The following KHNYN variants were observed in gnomAD, a reference collection of about 807,000 sequenced individuals.
KHNYN encodes KH and NYN domain containing, also known as protein KHNYN.
A neutral mutation model predicts 62.7 loss-of-function variants in KHNYN; 42 were observed. The observed-to-expected ratio is 0.67, with a 90% confidence interval of 0.52 to 0.87. The LOEUF (loss-of-function observed/expected upper bound fraction) is 0.87. Ranked by LOEUF, KHNYN falls within the 40% of genes least tolerant of loss-of-function variation. The pLI is 0.00. For missense variants in KHNYN, 829 were observed against 874.1 expected (o/e 0.95, Z 0.65); for synonymous variants, 347 against 345.6 (o/e 1.00, Z -0.04).
At chr14:24,429,172 G>A (rs993917326), upstream of KHNYN, 7 of 1,065,820 alleles carry the variant, frequency 6.6e-6, no homozygotes, top group African/African-American at 1.1e-4. Flanking sequence ...TAGGCTCGCT[G>A]AACCCCCTCT....
chr14:24,435,967 G>A (rs1179562818), intron 5 of KHNYN, 105 bp from the exon 6 acceptor site: 13 of 827,708 alleles, frequency 1.6e-5, no homozygotes, highest in Non-Finnish European at 2.5e-5. Context: ...ATATTGCATA[G>A]TGGTGAAGTC....
chr14:24,437,269 T>C lies in KHNYN; in HGVS notation c.2021T>C (p.Leu674Pro). Residue 674 changes from leucine (L) to proline (P), a missense_variant, in exon 8 of 8, where the codon CTC becomes CCC. By Grantham distance (98) the Leu-to-Pro change is moderately conservative (BLOSUM62 -3). This residue lies in a region of KHNYN where 270 missense variants were observed against 347.1 expected (regional missense o/e 0.78). Transcript: ENST00000553935. The surrounding 1 kb of genome is among the most constrained non-coding windows in gnomAD (Gnocchi z 5.5). Reference sequence around the variant, plus strand: ...ATCAACCAACTGTCTGAGGCCCTGCTCAGTCTTAACTTTTGAGCCTCACCT... The same window carrying C: ...ATCAACCAACTGTCTGAGGCCCTGCCCAGTCTTAACTTTTGAGCCTCACCT... Reference protein sequence around the residue: ...RDINQLSEALLSLNF With the variant: ...RDINQLSEALPSLNF 1 of 1,613,712 alleles carries C rather than the reference T, an allele frequency of 6.2e-7. No homozygotes were observed. Among genetic ancestry groups the C allele is most frequent in the Non-Finnish European group, 8.5e-7 (1 of 1,179,718 alleles).
Position 24,440,901 on chromosome 14 carries a change from C to T in KHNYN, c.*3616C>T, listed in dbSNP as rs1002782740. On this transcript the variant is annotated 3_prime_UTR_variant, in exon 8 of 8. Coordinates refer to ENST00000553935, the MANE Select transcript of KHNYN (RefSeq NM_015299.3). The stretch of plus-strand genomic sequence containing the variant: ...CTCCTGGGCTGTCTTCATCATACTC[C>T]GCAGTCAGACTGGGCTGGTAGTAAG... The T allele has an allele frequency of 4.3e-6, 7 of 1,613,916 alleles. No homozygotes were observed. Among genetic ancestry groups the T allele is most frequent in the Admixed American group, 1.7e-5 (1 of 60,008 alleles).
intron 1 of KHNYN, chr14:24,430,409 T>C (rs2043084666): frequency 8.6e-7 from 1 of 1,168,130 alleles, no homozygotes; most frequent in South Asian, 2.3e-5. Context: ...CCCAGGAGAC[T>C]CCTTCTGGCC....
At position 24,439,939 on chromosome 14, in the gene KHNYN, G is replaced by A. The variant is rs571473116; in HGVS notation, c.*2654G>A. 3.1e-5 allele frequency: 20 copies of A among 654,962 alleles called. No individual in the cohort carries two copies. The African/African-American group carries it at 3.4e-4, about 11-fold the overall frequency. 40.6% of individuals were successfully genotyped at this position (654,962 alleles called of 1,614,324 possible). A position where few individuals can be genotyped will look rare whatever the true frequency, so the allele number is the denominator to read the frequency against. On this transcript the variant is annotated 3_prime_UTR_variant, in exon 8 of 8. Transcript: ENST00000553935. ...GATTACGGCCTTGAGACAATAAGGT[G>A]GAGCAACAGAACAATGGGAAAGAGG...
upstream of KHNYN, among the ~76,000 whole-genome samples, chr14:24,425,756 G>A (rs1330628606): frequency 1.3e-5 from 2 of 152,166 alleles, no homozygotes; most frequent in Non-Finnish European, 2.9e-5. Context: ...GGAGATGAAC[G>A]ATCAAGCCTG....
chr14:24,430,148 A>AG lies in KHNYN; in HGVS notation c.-18+30dup, dbSNP rs1280456759. On this transcript the variant is annotated intron_variant, in intron 1 of 7. Transcript: ENST00000553935. Reference sequence around the variant, plus strand: ...GGCGCGCCCCTCCACCGCGCCCGGGAGCGGGGAGCGGGGGCCGCGGTGCGG... The same window carrying AG: ...GGCGCGCCCCTCCACCGCGCCCGGGAGGCGGGGAGCGGGGGCCGCGGTGCGG... 6.1e-6 allele frequency: 6 copies of AG among 982,540 alleles called. No homozygotes were observed. In the African/African-American group the frequency reaches 1.1e-4, roughly 17 times the overall value. The allele number at this position is 982,540 out of a possible 1,614,324, so 60.9% of individuals were successfully genotyped here. A position where few individuals can be genotyped will look rare whatever the true frequency, so the allele number is the denominator to read the frequency against.
At position 24,437,327 on chromosome 14, in the gene KHNYN, C is replaced by A; in HGVS notation, c.*42C>A. 6.3e-7 allele frequency: 1 copy of A among 1,581,592 alleles called. No individual in the cohort carries two copies. Among genetic ancestry groups the A allele is most frequent in the Non-Finnish European group, 8.6e-7 (1 of 1,161,320 alleles). On this transcript the variant is annotated 3_prime_UTR_variant, in exon 8 of 8. Transcript: ENST00000553935. This position sits in a 1 kb window ranked among gnomAD's most constrained non-coding sequence, Gnocchi z 5.5. ...TGGCTGCCGCCCTGTCAGCTCCAGC[C>A]GCCTCCAGCTCAGCCCTTTCTGTGA... is the stretch of plus-strand genomic sequence containing the variant.
At chr14:24,425,454 T>C (rs1353230805), upstream of KHNYN, among the ~76,000 whole-genome samples, 1 of 152,162 alleles carries the variant, frequency 6.6e-6, no homozygotes, top group African/African-American at 2.4e-5. Flanking sequence ...TCCTCCTTCC[T>C]GTTAGGCTGA....
chr14:24,429,185 A>C (rs2043059952), upstream of KHNYN: 1 of 922,538 alleles, frequency 1.1e-6, no homozygotes, highest in Non-Finnish European at 1.6e-6. Flanking sequence ...CCCCCTCTCC[A>C]TACCTGTGTC....
chr14:24,434,466 A>G (rs2043174798), intron 5 of KHNYN: 1 of 691,698 alleles, frequency 1.4e-6, no homozygotes, highest in Non-Finnish European at 1.8e-6. Context: ...GTGCAGTGGC[A>G]CGATCTCGGC....
chr14:24,431,946 A>G lies in KHNYN; in HGVS notation c.685A>G (p.Ser229Gly). The change falls in exon 3 of 8, where the codon AGT (serine) becomes GGT (glycine). Residue 229 changes from serine to glycine, a missense_variant. Ser to Gly is a moderately conservative substitution (Grantham distance 56). Transcript: ENST00000553935. ...GTGCCAAGGAGTGAGAGCTCCCCCT[A>G]GTGACGGCAGGGAGTCCCTGGACAC... ...AQCQGVRAPP[S>G]DGRESLDTGS... The G allele has an allele frequency of 3.7e-6, 6 of 1,613,494 alleles. No homozygotes were observed. Among genetic ancestry groups the G allele is most frequent in the Non-Finnish European group, 5.1e-6 (6 of 1,179,592 alleles).
rs754395392 is a variant in KHNYN, at chr14:24,432,518, C to T, written c.1257C>T (p.Ala419=). Residue 419 remains alanine (A), a synonymous_variant, in exon 3 of 8, where the codon GCC becomes GCT. Transcript: ENST00000553935. This position sits in a 1 kb window ranked among gnomAD's most constrained non-coding sequence, Gnocchi z 5.6. Reference sequence around the variant, plus strand: ...CTGGCACACAGCGTTTCAAGGAGGCCCTGCAGGATCCTTTCACCCTGTGCC... The same window carrying T: ...CTGGCACACAGCGTTTCAAGGAGGCTCTGCAGGATCCTTTCACCCTGTGCC... The part of the protein sequence containing the change: ...LVTGTQRFKE[A]LQDPFTLCLA... 17 of 1,613,542 alleles carry T rather than the reference C, an allele frequency of 1.1e-5. No individual in the cohort carries two copies. Among genetic ancestry groups the T allele is most frequent in the Non-Finnish European group, 1.4e-5 (17 of 1,179,828 alleles).
intron 5 of KHNYN, chr14:24,434,001 TTG>T (rs1480614832): frequency 3.5e-6 from 1 of 281,836 alleles, no homozygotes; most frequent in Non-Finnish European, 5.4e-6. Context: ...ATTATATACT[TTG>T]TCTTTTCAAA....
chr14:24,438,268 TC>T lies in KHNYN; in HGVS notation c.*985del, dbSNP rs1451932788. On this transcript the variant is annotated 3_prime_UTR_variant, in exon 8 of 8. Transcript: ENST00000553935. The stretch of plus-strand genomic sequence containing the variant: ...TGGCAAATCCCTGGTTAGATGCACT[TC>T]CTGGTGTTGAGATGAACACGTCGAT... 6.6e-6 allele frequency: 1 copy of T among 152,208 alleles called. No homozygotes were observed. Among genetic ancestry groups the T allele is most frequent in the Non-Finnish European group, 1.5e-5 (1 of 68,040 alleles). The allele number at this position is 152,208 out of a possible 1,614,324, so 9.4% of individuals were successfully genotyped here.
upstream of KHNYN, chr14:24,429,873 G>A (rs1219535954): frequency 2.9e-5 from 29 of 1,013,890 alleles, no homozygotes; most frequent in Admixed American, 1.1e-4. Context: ...CTCTGGGCGC[G>A]GCGGCGGGGT....
rs1474067637 is a variant in KHNYN at position 24,431,890 on chromosome 14, A to C, written c.629A>C (p.Glu210Ala). 3 of 1,613,812 alleles carry C rather than the reference A, an allele frequency of 1.9e-6. No homozygotes were observed. The African/African-American group carries it at 4.0e-5, about 22-fold the overall frequency. ...GGGCCAGGAGCACTGGCTTCTTGGG[A>C]GGGGCGGAGCTCAGCCTTGCTGGGT... ...GQGPGALASW[E>A]GRSSALLGAQ... The change falls in exon 3 of 8, where the codon GAG becomes GCG. Residue 210 changes from glutamate to alanine, a missense_variant. By Grantham distance (107) the Glu-to-Ala change is moderately radical. This residue lies in a region of KHNYN where 559 missense variants were observed against 527.0 expected (regional missense o/e 1.06). Coordinates refer to ENST00000553935, the MANE Select transcript of KHNYN (RefSeq NM_015299.3).
Position 24,436,520 on chromosome 14 carries a change from G to A in KHNYN, c.1787+31G>A, listed in dbSNP as rs148035923. 3.3e-6 allele frequency: 5 copies of A among 1,512,810 alleles called. No homozygotes were observed. The Admixed American group carries it at 7.4e-5, about 23-fold the overall frequency. 93.7% of individuals were successfully genotyped at this position (1,512,810 alleles called of 1,614,324 possible). A position where few individuals can be genotyped will look rare whatever the true frequency, so the allele number is the denominator to read the frequency against. On this transcript the variant is annotated intron_variant, in intron 7 of 7. Transcript: ENST00000553935. Reference sequence around the variant, plus strand: ...CAATCCCCTAGACTACTTACAGGCAGCCCCCACCCCTGGCCCTCTCTCAGC... The same window carrying A: ...CAATCCCCTAGACTACTTACAGGCAACCCCCACCCCTGGCCCTCTCTCAGC...
intron 7 of KHNYN, 92 bp from the exon 8 acceptor site, chr14:24,436,944 A>AAT (rs1285438066): frequency 6.7e-7 from 1 of 1,493,642 alleles, no homozygotes; most frequent in African/African-American, 1.4e-5. Flanking sequence ...CAAAGCCAGG[A>AAT]ATAGGCAGGA....
Sources: allele counts gnomAD v4.1 joint callset (sites outside exome capture counted in the v4.1 genomes callset), GRCh38; gene constraint gnomAD v4.1.1; regional missense constraint gnomAD v4.1.1; non-coding constraint Gnocchi (gnomAD v3.1); transcripts MANE v1.5; gene names NCBI Gene and HGNC (gene_info 2026-07-23, HGNC 2026-07-21).